XPA: variants seen among roughly 807,000 people sequenced by gnomAD.
XPA encodes the protein XPA, DNA damage recognition and repair factor, also known as DNA repair protein complementing XP-A cells.
Under a neutral mutation model 35.7 loss-of-function variants are expected in XPA, and 27 were observed. That is an observed-to-expected ratio of 0.76 (90% CI 0.56 to 1.04). The LOEUF is 1.04. Ranked by LOEUF, XPA falls within the 50% of genes least tolerant of loss-of-function variation. The probability of loss-of-function intolerance (pLI) is 0.00; values close to 1 mark genes in which losing one functional copy is unlikely to be tolerated. For missense variants in XPA, 354 were observed against 342.7 expected (o/e 1.03, Z -0.26); for synonymous variants, 133 against 118.4 (o/e 1.12, Z -0.80).
At chr9:97,675,641 A>G in intron 5 of XPA, 54 bp from the exon 6 acceptor site, 1 of 1,609,852 alleles carries the variant, frequency 6.2e-7, no homozygotes, top group Non-Finnish European at 8.5e-7. Flanking sequence ...AGGTGAATCC[A>G]AAAATCCAAC....
In XPA at chr9:97,697,225, G is replaced by A. The variant is rs1179193179; in HGVS notation, c.68C>T (p.Ser23Leu). The change falls in exon 1 of 6, where the codon TCG becomes TTG. Residue 23 changes from serine (S) to leucine (L), a missense_variant. Physicochemically the swap from Ser to Leu is moderately radical, Grantham distance 145. Coordinates refer to ENST00000375128, the MANE Select transcript of XPA (RefSeq NM_000380.4). ...CTTCCGCTCGATACTCGCCCGCACC[G>A]AGGCAGGCAGCTCCGCGGGTTGCTC... is the stretch of plus-strand genomic sequence containing the variant. Reference protein sequence around the residue: ...ALEQPAELPASVRASIERKRQ... With the variant: ...ALEQPAELPALVRASIERKRQ... The A allele has an allele frequency of 6.2e-7, 1 of 1,601,116 alleles. No individual in the cohort carries two copies. The highest frequency in any genetic ancestry group is 1.3e-5 in the African/African-American group (1 of 74,664).
chr9:97,677,836 A>G (rs1423560118), intron 5 of XPA, among the ~76,000 whole-genome samples: 2 of 152,068 alleles, frequency 1.3e-5, no homozygotes, highest in East Asian at 3.9e-4. Context: ...AGAGAGCCCA[A>G]GAAAAAGGGC....
At chr9:97,675,632 G>T in intron 5 of XPA, 45 bp from the exon 6 acceptor site, 1 of 1,612,990 alleles carries the variant, frequency 6.2e-7, no homozygotes, top group Admixed American at 1.7e-5. Flanking sequence ...GTGCTATTCA[G>T]GTGAATCCAA....
At chr9:97,659,531 G>T in the XPA span, among the ~76,000 whole-genome samples, 2 of 152,180 alleles carry the variant, frequency 1.3e-5, no homozygotes, top group African/African-American at 4.8e-5. Context: ...GAATAGATAT[G>T]ATTATCAAAA....
chr9:97,665,355 G>A, the XPA span, among the ~76,000 whole-genome samples: 4 of 152,110 alleles, frequency 2.6e-5, no homozygotes, highest in African/African-American at 4.8e-5. Flanking sequence ...TATCCTTACC[G>A]CATCACCGTA....
chr9:97,665,772 C>T, the XPA span, among the ~76,000 whole-genome samples: 1 of 148,898 alleles, frequency 6.7e-6, no homozygotes, highest in African/African-American at 2.5e-5. Context: ...CCACCCCACA[C>T]AGTCAAAAAT....
chr9:97,664,257 C>T, the XPA span: 2 of 829,958 alleles, frequency 2.4e-6, no homozygotes, highest in South Asian at 4.3e-5. Context: ...TCCTATTTTA[C>T]TTTTATAGCA....
Position 97,681,721 on chromosome 9 carries a change from T to C in XPA, c.673+3202A>G, listed in dbSNP as rs181150722. On this transcript the variant is annotated intron_variant, in intron 5 of 5. Transcript: ENST00000375128. ...ATCTAATATTAAGGCCTGTGCATCC[T>C]GAAGTTTTGAAATCAAAACATTTCT... is the stretch of plus-strand genomic sequence containing the variant. Among the ~76,000 whole-genome samples, 282 of 152,296 alleles carry C rather than the reference T, an allele frequency of 1.9e-3. 2 individuals carry two copies. The highest frequency in any genetic ancestry group is 6.5e-3 in the African/African-American group (270 of 41,562).
chr9:97,656,181 T>A, the XPA span: 6 of 1,008,162 alleles, frequency 6.0e-6, no homozygotes, highest in Admixed American at 4.5e-5. Context: ...GGATTCAAAA[T>A]CCACTTACTC....
the XPA span, chr9:97,654,901 C>T: frequency 6.2e-7 from 1 of 1,613,204 alleles, no homozygotes; most frequent in Admixed American, 1.7e-5. Context: ...AACTGAAATG[C>T]TATACATGCG....
chr9:97,655,808 A>G, the XPA span: 6 of 1,530,922 alleles, frequency 3.9e-6, 1 homozygote, highest in South Asian at 7.1e-5. Flanking sequence ...TCAAAAAACT[A>G]CTAATGTTTA....
chr9:97,683,338 G>C (rs1392752554), intron 5 of XPA, among the ~76,000 whole-genome samples: 1 of 152,134 alleles, frequency 6.6e-6, no homozygotes. Flanking sequence ...AAAGATTAAA[G>C]GGCCAAATTC....
rs1290586080 is a variant in XPA, at chr9:97,682,165, T to A, written c.673+2758A>T. 3 of 410,918 alleles carry A rather than the reference T, an allele frequency of 7.3e-6. No homozygotes were observed. In the Admixed American group the frequency reaches 9.0e-5, roughly 12 times the overall value. The allele number at this position is 410,918 out of a possible 1,614,324, so 25.5% of individuals were successfully genotyped here. A position where few individuals can be genotyped will look rare whatever the true frequency, so the allele number is the denominator to read the frequency against. On this transcript the variant is annotated intron_variant, in intron 5 of 5. Coordinates refer to ENST00000375128, the MANE Select transcript of XPA (RefSeq NM_000380.4). The stretch of plus-strand genomic sequence containing the variant: ...ATTCTCAAACTGCTAAAGTAGAAGA[T>A]CATATTCTCAAAGCAGGTAAATATA...
At chr9:97,691,886 A>AATAAATAT (rs1015557170) in intron 2 of XPA, among the ~76,000 whole-genome samples, 1 of 124,682 alleles carries the variant, frequency 8.0e-6, no homozygotes, top group African/African-American at 3.5e-5. Flanking sequence ...TTTCTAAATA[A>AATAAATAT]ATATATATAT....
chr9:97,669,579 T>C, the XPA span: 2 of 1,565,814 alleles, frequency 1.3e-6, no homozygotes, highest in South Asian at 1.1e-5. Context: ...CCTTAACTTC[T>C]TCTCCCTTTC....
Position 97,697,053 on chromosome 9 carries a change from T to A in XPA, c.172+68A>T. ...GACCCCCGGGCCCCGGGACTCGGCT[T>A]GCACGAGCCAGTCTGGGGACCGGGG... is the stretch of plus-strand genomic sequence containing the variant. On this transcript the variant is annotated intron_variant, in intron 1 of 5. Coordinates refer to ENST00000375128, the MANE Select transcript of XPA (RefSeq NM_000380.4). The A allele has an allele frequency of 2.0e-6, 3 of 1,469,344 alleles. No individual in the cohort carries two copies. In the South Asian group the frequency reaches 4.1e-5, roughly 20 times the overall value. 91.0% of individuals were successfully genotyped at this position (1,469,344 alleles called of 1,614,324 possible). A position where few individuals can be genotyped will look rare whatever the true frequency, so the allele number is the denominator to read the frequency against.
chr9:97,692,265 T>C (rs1828917361), intron 2 of XPA, among the ~76,000 whole-genome samples: 1 of 151,652 alleles, frequency 6.6e-6, no homozygotes, highest in South Asian at 2.1e-4. Context: ...CACTCCAGCC[T>C]GGGCAACGAG....
At chr9:97,688,739 C>T (rs1251883680) in intron 3 of XPA, among the ~76,000 whole-genome samples, 1 of 152,182 alleles carries the variant, frequency 6.6e-6, no homozygotes, top group East Asian at 1.9e-4. Flanking sequence ...CCACATCTCC[C>T]TCTCTATCTA....
At chr9:97,687,286 ATAAAT>A (rs749519603) in intron 3 of XPA, 25 bp from the exon 4 acceptor site, 31 of 1,572,108 alleles carry the variant, frequency 2.0e-5, no homozygotes, top group Non-Finnish European at 2.6e-5. Flanking sequence ...AGTCCATTAT[ATAAAT>A]TAGTTATTTT....
Sources: allele counts gnomAD v4.1 joint callset (sites outside exome capture counted in the v4.1 genomes callset), GRCh38; gene constraint gnomAD v4.1.1; transcripts MANE v1.5; gene names NCBI Gene and HGNC (gene_info 2026-07-23, HGNC 2026-07-21).